EXOC4: variants seen among roughly 807,000 people sequenced by gnomAD.
The protein encoded by EXOC4 is exocyst complex component 4, also known as SEC8-like 1.
In EXOC4, 71 loss-of-function variants were observed where a neutral mutation model predicts 107.2. The ratio of observed to expected loss-of-function variants is 0.66; its 90% CI spans 0.55 to 0.81. The LOEUF is 0.81. Ranked by LOEUF, EXOC4 falls within the 30% of genes least tolerant of loss-of-function variation. The pLI, the probability that EXOC4 is intolerant of heterozygous loss-of-function variation, is 0.00. For synonymous variants in EXOC4, 456 were observed against 441.2 expected (o/e 1.03, Z -0.42); for missense variants, 1,108 against 1,189.6 (o/e 0.93, Z 1.01).
chr7:133,659,752 C>T (rs1803394512), intron 10 of EXOC4, among the ~76,000 whole-genome samples: 1 of 152,142 alleles, frequency 6.6e-6, no homozygotes, highest in Non-Finnish European at 1.5e-5. Flanking sequence ...TCCCCGATTT[C>T]CCATTTGGTG....
chr7:133,379,326 CT>C (rs530639100), intron 7 of EXOC4, among the ~76,000 whole-genome samples: 75 of 151,864 alleles, frequency 4.9e-4, no homozygotes, highest in Non-Finnish European at 9.1e-4. Context: ...CATTTATAGT[CT>C]TTTTTTTCTC....
At chr7:133,428,808 AC>A (rs1267135032) in intron 7 of EXOC4, among the ~76,000 whole-genome samples, 2 of 152,234 alleles carry the variant, frequency 1.3e-5, no homozygotes, top group Non-Finnish European at 2.9e-5. Context: ...GCCAGGGTAT[AC>A]CAGGACTTAC....
intron 17 of EXOC4, among the ~76,000 whole-genome samples, chr7:134,041,817 ATT>A (rs1246834635): frequency 6.6e-6 from 1 of 152,206 alleles, no homozygotes; most frequent in African/African-American, 2.4e-5. Flanking sequence ...ATTTAACTGG[ATT>A]TAAAGGGCTT....
At chr7:133,969,072 G>A (rs1055796518) in intron 14 of EXOC4, among the ~76,000 whole-genome samples, 8 of 151,894 alleles carry the variant, frequency 5.3e-5, no homozygotes, top group Admixed American at 2.0e-4. Context: ...TTGGCTTCAC[G>A]CTTTATTTCA....
At chr7:133,274,697 C>T (rs759017442) in intron 1 of EXOC4, among the ~76,000 whole-genome samples, 2 of 152,192 alleles carry the variant, frequency 1.3e-5, no homozygotes, top group Non-Finnish European at 2.9e-5. Context: ...GTTACCCAGT[C>T]TCTTGAACAG....
Position 133,782,195 on chromosome 7 carries a change from A to C in EXOC4, c.1515-35130A>C, listed in dbSNP as rs556149353. Reference sequence around the variant, plus strand: ...ATCCAGACATTGGTAGTTATTTATCAAAGTGCTACATTAGGAAATGTTGTA... The same window carrying C: ...ATCCAGACATTGGTAGTTATTTATCCAAGTGCTACATTAGGAAATGTTGTA... On this transcript the variant is annotated intron_variant, in intron 10 of 17. Transcript: ENST00000253861. Among the ~76,000 whole-genome samples, 4 of 152,130 alleles carry C rather than the reference A, an allele frequency of 2.6e-5. No homozygotes were observed. In the South Asian group the frequency reaches 6.2e-4, roughly 24 times the overall value.
chr7:133,857,177 TA>T (rs1798406940), intron 11 of EXOC4, among the ~76,000 whole-genome samples: 11 of 18,700 alleles, frequency 5.9e-4, no homozygotes, highest in African/African-American at 2.4e-3. Context: ...TATATATATA[TA>T]TATATATATA....
chr7:133,966,885 A>C (rs891447150), intron 14 of EXOC4, among the ~76,000 whole-genome samples: 6 of 152,150 alleles, frequency 3.9e-5, no homozygotes, highest in Non-Finnish European at 8.8e-5. Context: ...TGTTTGGAAT[A>C]GTTTCATAAG....
chr7:133,255,301 C>T (rs565698583), intron 1 of EXOC4, among the ~76,000 whole-genome samples: 39 of 152,160 alleles, frequency 2.6e-4, no homozygotes, highest in Non-Finnish European at 4.9e-4. Flanking sequence ...TTCAGCTTCC[C>T]GCATAGCTGG....
intron 5 of EXOC4, among the ~76,000 whole-genome samples, chr7:133,327,448 T>C (rs554912814): frequency 1.3e-5 from 2 of 152,312 alleles, no homozygotes; most frequent in Admixed American, 6.5e-5. Flanking sequence ...TCATTTCTGC[T>C]CTGATCTTAG....
chr7:133,631,458 G>A (rs762776091), intron 10 of EXOC4, among the ~76,000 whole-genome samples: 10 of 151,838 alleles, frequency 6.6e-5, no homozygotes, highest in South Asian at 2.1e-4. Context: ...GTTCTAAATC[G>A]TAGTGGATTA....
intron 11 of EXOC4, among the ~76,000 whole-genome samples, chr7:133,855,116 T>TATATATAAATATATATAA (rs1554409783): frequency 3.8e-4 from 30 of 79,546 alleles, no homozygotes; most frequent in Middle Eastern, 6.2e-3. Flanking sequence ...TATATATAAA[T>TATATATAAATATATATAA]ATATATATAT....
chr7:133,756,889 T>G (rs917174314), intron 10 of EXOC4, among the ~76,000 whole-genome samples: 6 of 152,186 alleles, frequency 3.9e-5, no homozygotes, highest in Non-Finnish European at 7.3e-5. Context: ...TTATTTAGTT[T>G]AGGAGAATCG....
chr7:133,344,845 C>G (rs772985194), intron 5 of EXOC4, among the ~76,000 whole-genome samples: 1 of 152,140 alleles, frequency 6.6e-6, no homozygotes, highest in Non-Finnish European at 1.5e-5. Context: ...TCACATTCTA[C>G]CTTTGTTTGC....
At chr7:133,956,589 G>A (rs1800824722) in intron 14 of EXOC4, among the ~76,000 whole-genome samples, 1 of 152,192 alleles carries the variant, frequency 6.6e-6, no homozygotes, top group Non-Finnish European at 1.5e-5. Flanking sequence ...GCTGCATCAT[G>A]TGGGGGAACT....
At chr7:133,787,157 CTT>C (rs1366429006) in intron 10 of EXOC4, among the ~76,000 whole-genome samples, 1 of 122,872 alleles carries the variant, frequency 8.1e-6, no homozygotes, top group Non-Finnish European at 1.6e-5. Context: ...TTTTTCTTTT[CTT>C]TTTTTTTTCT....
At chr7:133,653,521 C>T (rs1156531707) in intron 10 of EXOC4, among the ~76,000 whole-genome samples, 1 of 152,212 alleles carries the variant, frequency 6.6e-6, no homozygotes, top group Non-Finnish European at 1.5e-5. Flanking sequence ...AATTTCAATT[C>T]TCTCTGGCAG....
At chr7:133,738,513 C>A (rs1437992349) in intron 10 of EXOC4, among the ~76,000 whole-genome samples, 2 of 152,156 alleles carry the variant, frequency 1.3e-5, no homozygotes, top group Non-Finnish European at 2.9e-5. Flanking sequence ...ACTTCTTACT[C>A]TTTGAGCTGC....
At chr7:133,880,668 C>CTGTTATGTTT (rs1276242278) in intron 11 of EXOC4, among the ~76,000 whole-genome samples, 1 of 152,054 alleles carries the variant, frequency 6.6e-6, no homozygotes. Flanking sequence ...CCCTTTCCTG[C>CTGTTATGTTT]TGTTATGTTT....
Sources: gnomAD v4.1 joint callset for allele counts (sites outside exome capture counted in the v4.1 genomes callset) on GRCh38, gnomAD v4.1.1 for gene constraint, MANE v1.5 for transcripts, NCBI Gene and HGNC (gene_info 2026-07-23, HGNC 2026-07-21) for gene names.